The following SLC12A8 variants were observed in gnomAD, a reference collection of about 807,000 sequenced individuals.
SLC12A8 encodes cation-chloride cotransporter 9.
In SLC12A8, 69 loss-of-function variants were observed where a neutral mutation model predicts 75.6. The ratio of observed to expected loss-of-function variants is 0.91; its 90% CI spans 0.75 to 1.11. The LOEUF is 1.11. Ranked by LOEUF, SLC12A8 falls within the 50% of genes most tolerant of loss-of-function variation. SLC12A8 has a pLI of 0.00. For missense variants in SLC12A8, 877 were observed against 896.7 expected (o/e 0.98, Z 0.28); for synonymous variants, 365 against 372.8 (o/e 0.98, Z 0.24).
intron 10 of SLC12A8, among the ~76,000 whole-genome samples, chr3:125,103,834 A>G (rs1237830607): frequency 6.6e-6 from 1 of 152,026 alleles, no homozygotes; most frequent in African/African-American, 2.4e-5. Context: ...GGATCTCGCT[A>G]TGATGTCCAG....
At chr3:125,118,455 C>T (rs1313019814) in intron 8 of SLC12A8, among the ~76,000 whole-genome samples, 1 of 151,828 alleles carries the variant, frequency 6.6e-6, no homozygotes. Flanking sequence ...GAGACCTCAT[C>T]TCTACCAAAA....
chr3:125,121,185 CA>C (rs1249125183), intron 6 of SLC12A8, among the ~76,000 whole-genome samples: 1 of 152,146 alleles, frequency 6.6e-6, no homozygotes, highest in Non-Finnish European at 1.5e-5. Flanking sequence ...AAATAAACTC[CA>C]AAAAAACCAA....
intron 5 of SLC12A8, among the ~76,000 whole-genome samples, chr3:125,176,718 G>GA (rs1269978218): frequency 1.3e-5 from 2 of 150,834 alleles, no homozygotes; most frequent in Non-Finnish European, 3.0e-5. Flanking sequence ...AAAGACACAT[G>GA]AAAAAATGCT....
In SLC12A8 at chr3:125,211,299, C is replaced by T; in HGVS notation, c.51G>A (p.Gln17=). The change falls in exon 2 of 14, where the codon CAG becomes CAA. Residue 17 remains glutamine (Q), a splice_region_variant and synonymous_variant. Transcript: ENST00000469902. ...AGACCCTGGCACATCCTGAGCCTAC[C>T]TGCTGGGCTGCCTCATGGAAGAGCT... ...VQELFHEAAQ[Q]DALAQPQPWW... is the part of the protein sequence containing the mutation. 1 of 1,613,548 alleles carries T rather than the reference C, an allele frequency of 6.2e-7. No individual in the cohort carries two copies. Among genetic ancestry groups the T allele is most frequent in the Non-Finnish European group, 8.5e-7 (1 of 1,179,864 alleles).
At position 125,187,291 on chromosome 3, in the gene SLC12A8, C is replaced by T. The variant is rs374341221; in HGVS notation, c.336G>A (p.Ser112=). The stretch of plus-strand genomic sequence containing the variant: ...TGCCTCCCGTCTGCCCACCCAGGAC[C>T]GAGGAGATCATGGAGTAGACGCCAC... ...GSGGVYSMIS[S]VLGGQTGGTI... is the part of the protein sequence containing the mutation. The change falls in exon 4 of 14, where the codon TCG becomes TCA. Residue 112 remains serine, a synonymous_variant. Transcript: ENST00000469902. 34 of 1,614,042 alleles carry T rather than the reference C, an allele frequency of 2.1e-5. No individual in the cohort carries two copies. The highest frequency in any genetic ancestry group is 8.0e-5 in the African/African-American group (6 of 74,920).
chr3:125,186,774 C>T (rs1579533450), intron 4 of SLC12A8, among the ~76,000 whole-genome samples: 1 of 152,250 alleles, frequency 6.6e-6, no homozygotes, highest in Non-Finnish European at 1.5e-5. Flanking sequence ...CTGTGAAGGC[C>T]ACCCGAGCTA....
chr3:125,188,039 C>T (rs1319977092), intron 3 of SLC12A8, among the ~76,000 whole-genome samples: 1 of 152,082 alleles, frequency 6.6e-6, no homozygotes, highest in Non-Finnish European at 1.5e-5. Flanking sequence ...GGATCCCTTC[C>T]AAATCTCATG....
intron 5 of SLC12A8, among the ~76,000 whole-genome samples, chr3:125,152,494 G>T (rs375714425): frequency 6.0e-4 from 92 of 152,164 alleles, no homozygotes; most frequent in African/African-American, 2.1e-3. Flanking sequence ...TTTTATTTCT[G>T]CCAGTTCAAG....
At position 125,177,867 on chromosome 3, in the gene SLC12A8, C is replaced by G; in HGVS notation, c.498G>C (p.Leu166=). 1 of 1,614,172 alleles carries G rather than the reference C, an allele frequency of 6.2e-7. No homozygotes were observed. The part of the protein sequence containing the change: ...AVRGISVAVL[L]ALLGINLAGV... ...CTGCGAGGTTAATGCCCAGCAAGGCCAGAAGCACCGCAACTGAAATTCCTC... is the reference window on the plus strand; with the variant it reads ...CTGCGAGGTTAATGCCCAGCAAGGCGAGAAGCACCGCAACTGAAATTCCTC... The change falls in exon 5 of 14, where the codon CTG becomes CTC. Residue 166 remains leucine (L), a synonymous_variant. Coordinates refer to ENST00000469902, the MANE Select transcript of SLC12A8 (RefSeq NM_024628.6).
chr3:125,085,961 A>T (rs1251671859), intron 13 of SLC12A8, among the ~76,000 whole-genome samples: 1 of 151,216 alleles, frequency 6.6e-6, no homozygotes, highest in Non-Finnish European at 1.5e-5. Context: ...CTGGAGCGCA[A>T]TGGTGCGATC....
At chr3:125,111,464 CCA>C (rs1939185510) in intron 8 of SLC12A8, among the ~76,000 whole-genome samples, 1 of 152,202 alleles carries the variant, frequency 6.6e-6, no homozygotes, top group Non-Finnish European at 1.5e-5. Context: ...TCATCTGTAC[CCA>C]CAGGAAAGCA....
chr3:125,141,424 C>G (rs548159639), intron 5 of SLC12A8, among the ~76,000 whole-genome samples: 25 of 152,306 alleles, frequency 1.6e-4, no homozygotes, highest in African/African-American at 6.0e-4. Context: ...ACTAGTGGGA[C>G]TGAGAACTGC....
chr3:125,201,418 A>G (rs1935116402), intron 2 of SLC12A8, among the ~76,000 whole-genome samples: 1 of 152,108 alleles, frequency 6.6e-6, no homozygotes, highest in African/African-American at 2.4e-5. Flanking sequence ...AACAAAAAAC[A>G]AAAGGAATGT....
chr3:125,135,853 T>C, intron 5 of SLC12A8, 71 bp from the exon 6 acceptor site: 1 of 832,030 alleles, frequency 1.2e-6, no homozygotes, highest in Non-Finnish European at 1.9e-6. Flanking sequence ...TAGATTATGG[T>C]ACTATTTCAT....
At chr3:125,087,463 G>C (rs1035333195) in intron 13 of SLC12A8, among the ~76,000 whole-genome samples, 1 of 152,158 alleles carries the variant, frequency 6.6e-6, no homozygotes, top group African/African-American at 2.4e-5. Context: ...CAATGGGAAA[G>C]GATCCCATGA....
intron 5 of SLC12A8, among the ~76,000 whole-genome samples, chr3:125,175,617 C>T (rs1020761292): frequency 1.3e-5 from 2 of 152,142 alleles, no homozygotes; most frequent in South Asian, 2.1e-4. Flanking sequence ...TTCCAGCAAC[C>T]GTGTCACTGG....
chr3:125,120,845 C>G, intron 6 of SLC12A8, 159 bp from the exon 7 acceptor site: 1 of 710,798 alleles, frequency 1.4e-6, no homozygotes, highest in South Asian at 1.5e-5. Context: ...TTCAATCTCC[C>G]CTGGCAACTA....
chr3:125,185,700 C>A (rs1934766027), intron 4 of SLC12A8, among the ~76,000 whole-genome samples: 1 of 152,138 alleles, frequency 6.6e-6, no homozygotes, highest in South Asian at 2.1e-4. Flanking sequence ...AATATATACA[C>A]AAAAATCCTC....
intron 5 of SLC12A8, among the ~76,000 whole-genome samples, chr3:125,177,388 G>A (rs879304674): frequency 1.3e-5 from 2 of 151,564 alleles, no homozygotes; most frequent in African/African-American, 2.4e-5. Flanking sequence ...ACGAGTTAAT[G>A]GGAGCAGCAC....
Sources: allele counts gnomAD v4.1 joint callset (sites outside exome capture counted in the v4.1 genomes callset), GRCh38; gene constraint gnomAD v4.1.1; transcripts MANE v1.5; gene names NCBI Gene and HGNC (gene_info 2026-07-23, HGNC 2026-07-21).